The following PAPPA variants were observed in gnomAD, a reference collection of about 807,000 sequenced individuals.
PAPPA encodes the protein pappalysin 1.
A neutral mutation model predicts 164.0 loss-of-function variants in PAPPA; 60 were observed. That is an observed-to-expected ratio of 0.37 (90% CI 0.30 to 0.45). The LOEUF (loss-of-function observed/expected upper bound fraction) is 0.45, where lower values mean the gene tolerates loss of function less well. PAPPA is among the 20% of genes least tolerant of loss of function. The pLI is 1.00. For missense variants in PAPPA, 1,782 were observed against 2,087.3 expected, an observed-to-expected ratio of 0.85 and a Z score of 2.85; for synonymous variants, 875 against 814.1, an observed-to-expected ratio of 1.07 and a Z score of -1.27.
chr9:116,235,691 C>G, intron 7 of PAPPA, 54 bp downstream of exon 7: 1 of 1,582,606 alleles, frequency 6.3e-7, no homozygotes. Context: ...TGTGGAGGAA[C>G]GTGAGGTGGG....
At chr9:116,207,434 CA>C (rs762592525) in intron 2 of PAPPA, 21 bp from the exon 3 acceptor site, 13 of 1,590,748 alleles carry the variant, frequency 8.2e-6, no homozygotes, top group Non-Finnish European at 1.1e-5. Flanking sequence ...TGATAACAGC[CA>C]AGGTTCTTTT....
chr9:116,357,972 G>T (rs968892463), intron 17 of PAPPA, among the ~76,000 whole-genome samples: 3 of 152,194 alleles, frequency 2.0e-5, no homozygotes, highest in Admixed American at 6.5e-5. Context: ...GCCATAAGGG[G>T]TGTAGAGCTG....
chr9:116,236,322 C>G (rs1844665502), intron 7 of PAPPA, among the ~76,000 whole-genome samples: 1 of 152,016 alleles, frequency 6.6e-6, no homozygotes, highest in Non-Finnish European at 1.5e-5. Flanking sequence ...AGGTGGCTCA[C>G]TCCTGTAATC....
intron 17 of PAPPA, among the ~76,000 whole-genome samples, chr9:116,356,981 C>G (rs1846362855): frequency 6.6e-6 from 1 of 152,160 alleles, no homozygotes; most frequent in South Asian, 2.1e-4. Flanking sequence ...AAAACAAAAC[C>G]TGAGAAGGAG....
intron 2 of PAPPA, among the ~76,000 whole-genome samples, chr9:116,204,184 A>G (rs937307577): frequency 5.9e-5 from 9 of 152,206 alleles, no homozygotes; most frequent in Non-Finnish European, 1.3e-4. Flanking sequence ...ACTTAAACCT[A>G]CTTGTCCACA....
intron 6 of PAPPA, 76 bp from the exon 7 acceptor site, chr9:116,235,063 G>A: frequency 6.4e-7 from 1 of 1,552,608 alleles, no homozygotes; most frequent in Non-Finnish European, 8.8e-7. Flanking sequence ...AATTTCTCCT[G>A]GGGTCCACAG....
chr9:116,297,308 G>T (rs1368419786), intron 9 of PAPPA, among the ~76,000 whole-genome samples: 1 of 152,178 alleles, frequency 6.6e-6, no homozygotes. Context: ...AGAACACATT[G>T]ACTTCAGTTA....
At chr9:116,199,097 A>G (rs983313791) in intron 2 of PAPPA, among the ~76,000 whole-genome samples, 3 of 152,184 alleles carry the variant, frequency 2.0e-5, no homozygotes, top group African/African-American at 7.2e-5. Context: ...AAAGTCTAAG[A>G]ACCTTGCCAC....
At chr9:116,163,609 C>T (rs1843692354) in intron 1 of PAPPA, among the ~76,000 whole-genome samples, 1 of 152,110 alleles carries the variant, frequency 6.6e-6, no homozygotes, top group Admixed American at 6.5e-5. Flanking sequence ...TCAAGGCTGT[C>T]CTCAGACAAA....
chr9:116,255,104 TA>T (rs1844912976), intron 7 of PAPPA, among the ~76,000 whole-genome samples: 1 of 151,966 alleles, frequency 6.6e-6, no homozygotes, highest in South Asian at 2.1e-4. Flanking sequence ...TTCACCTTCC[TA>T]AAATACTTTA....
intron 21 of PAPPA, among the ~76,000 whole-genome samples, chr9:116,390,276 G>A (rs1846873375): frequency 6.6e-6 from 1 of 152,162 alleles, no homozygotes; most frequent in Non-Finnish European, 1.5e-5. Flanking sequence ...GATGAAAGGA[G>A]TAAGGAAGGA....
intron 9 of PAPPA, among the ~76,000 whole-genome samples, chr9:116,299,116 C>A (rs1029427437): frequency 3.9e-5 from 6 of 152,006 alleles, no homozygotes; most frequent in African/African-American, 1.5e-4. Context: ...GAAGGGCCCC[C>A]GGGACACTAA....
In PAPPA at chr9:116,347,148, T is replaced by C; in HGVS notation, c.3903T>C (p.Pro1301=). Residue 1301 remains proline (P), a synonymous_variant, in exon 15 of 22, where the codon CCT becomes CCC. Transcript: ENST00000328252. The surrounding 1 kb of genome is among the most constrained non-coding windows in gnomAD (Gnocchi z 4.5). ...TCTATGCTGCCTCCTTCTCCTGCCC[T>C]GAGGGCACCACCTTTGGCAGTCAAT... ...HQVYAASFSC[P]EGTTFGSQCS... is the part of the protein sequence containing the mutation. 6.2e-7 allele frequency: 1 copy of C among 1,614,118 alleles called. No homozygotes were observed. Among genetic ancestry groups the C allele is most frequent in the Non-Finnish European group, 8.5e-7 (1 of 1,179,980 alleles).
chr9:116,352,668 T>C, intron 15 of PAPPA, 38 bp from the exon 16 acceptor site: 2 of 1,532,556 alleles, frequency 1.3e-6, no homozygotes, highest in African/African-American at 1.4e-5. Flanking sequence ...TATCAGAGAC[T>C]CCTCCCTCCT....
At position 116,216,935 on chromosome 9, in the gene PAPPA, T is replaced by C. The variant is rs558863081; in HGVS notation, c.1919-3002T>C. 2.6e-5 allele frequency among the ~76,000 whole-genome samples: 4 copies of C among 151,950 alleles called. No individual in the cohort carries two copies. In the East Asian group the frequency reaches 7.8e-4, roughly 30 times the overall value. ...TTTTGTATTTTTGGTGGAGACAGGG[T>C]TTCACCATGTTGGTCAGGGTGGTCT... On this transcript the variant is annotated intron_variant, in intron 4 of 21. Coordinates refer to ENST00000328252, the MANE Select transcript of PAPPA (RefSeq NM_002581.5).
At chr9:116,163,737 C>A (rs1360634828) in intron 1 of PAPPA, among the ~76,000 whole-genome samples, 1 of 152,164 alleles carries the variant, frequency 6.6e-6, no homozygotes, top group Non-Finnish European at 1.5e-5. Flanking sequence ...TCGGCTTCCA[C>A]ACCTCAGCAA....
At position 116,302,847 on chromosome 9, in the gene PAPPA, C is replaced by CAGGAT; in HGVS notation, c.3044_3045insAGGAT (p.Pro1016GlyfsTer42). 1 of 1,613,932 alleles carries CAGGAT rather than the reference C, an allele frequency of 6.2e-7. No homozygotes were observed. Reference sequence around the variant, plus strand: ...AGCATTAAGGACTGTGGTGTCTACACGCCCCAGGGATTCCTGGATCAGTGG... The same window carrying CAGGAT: ...AGCATTAAGGACTGTGGTGTCTACACAGGATGCCCCAGGGATTCCTGGATCAGTGG... On this transcript the variant is annotated frameshift_variant, in exon 10 of 22. Coordinates refer to ENST00000328252, the MANE Select transcript of PAPPA (RefSeq NM_002581.5). LOFTEE classifies it high-confidence loss of function.
intron 2 of PAPPA, among the ~76,000 whole-genome samples, chr9:116,206,238 A>G (rs1015883752): frequency 3.3e-5 from 5 of 152,116 alleles, no homozygotes; most frequent in African/African-American, 1.2e-4. Flanking sequence ...GGGCCCACCT[A>G]TCTCCAACTC....
chr9:116,237,802 C>A (rs557187380), intron 7 of PAPPA, among the ~76,000 whole-genome samples: 5 of 152,026 alleles, frequency 3.3e-5, no homozygotes, highest in African/African-American at 1.2e-4. Flanking sequence ...TCGCTGCAAC[C>A]TCCACCCCCC....
Sources: gnomAD v4.1 joint callset for allele counts (sites outside exome capture counted in the v4.1 genomes callset) on GRCh38, gnomAD v4.1.1 for gene constraint, Gnocchi (gnomAD v3.1) non-coding constraint, MANE v1.5 for transcripts, NCBI Gene and HGNC (gene_info 2026-07-23, HGNC 2026-07-21) for gene names.